LMTK3: variants seen among roughly 807,000 people sequenced by gnomAD.
LMTK3 encodes serine/threonine-protein kinase LMTK3.
Under a neutral mutation model 116.7 loss-of-function variants are expected in LMTK3, and 27 were observed. The observed-to-expected ratio is 0.23, with a 90% CI of 0.17 to 0.32. The LOEUF is 0.32. Among genes scored for constraint, LMTK3 ranks in the 10% least tolerant of loss-of-function variants. LMTK3 has a pLI of 1.00. For synonymous variants in LMTK3, 965 were observed against 971.0 expected (o/e 0.99, Z 0.11); for missense variants, 1,764 against 2,068.5 (o/e 0.85, Z 2.86).
chr19:48,506,620 C>T (rs1417802943), intron 5 of LMTK3, among the ~76,000 whole-genome samples: 2 of 152,184 alleles, frequency 1.3e-5, no homozygotes, highest in Non-Finnish European at 2.9e-5. Flanking sequence ...TGTGTGTCCT[C>T]AGGAGAACAG....
Position 48,499,540 on chromosome 19 carries a change from G to T in LMTK3, c.1529C>A (p.Pro510His). 1 of 1,507,748 alleles carries T rather than the reference G, an allele frequency of 6.6e-7. No homozygotes were observed. The highest frequency in any genetic ancestry group is 8.8e-7 in the Non-Finnish European group (1 of 1,130,652). 93.4% of individuals were successfully genotyped at this position (1,507,748 alleles called of 1,614,324 possible). Residue 510 changes from proline to histidine, a missense_variant, in exon 11 of 15, where the codon CCC (proline) becomes CAC (histidine). By Grantham distance (77) the Pro-to-His change is moderately conservative. Transcript: ENST00000600059. ...ASAPPAPHAN[P>H]SNPFYEALST... is the part of the protein sequence containing the mutation. ...CAGCGCCTCGTAGAAAGGGTTGGAG[G>T]GGTTGGCGTGGGGGGCCGGGGGGGC...
chr19:48,486,047 CTTTTTTTTTT>C (rs141193575), intron 14 of LMTK3, among the ~76,000 whole-genome samples: 7 of 59,790 alleles, frequency 1.2e-4, no homozygotes, highest in East Asian at 7.8e-4. Context: ...AACATTCTTC[CTTTTTTTTTT>C]TTTTTTTTTT....
chr19:48,487,439 T>TGTGA (rs1332005443), intron 14 of LMTK3, among the ~76,000 whole-genome samples: 3 of 152,130 alleles, frequency 2.0e-5, no homozygotes, highest in Admixed American at 1.3e-4. Flanking sequence ...TCTCACAAAG[T>TGTGA]GCTGGAATTA....
chr19:48,499,295 G>T lies in LMTK3; in HGVS notation c.1774C>A (p.Pro592Thr). The change falls in exon 11 of 15, where the codon CCC becomes ACC. Residue 592 changes from proline (P) to threonine (T), a missense_variant. Around this residue, in one of 7 missense-constraint regions of LMTK3, gnomAD observed 1,028 missense variants for 1,050.6 expected, o/e 0.98. Coordinates refer to ENST00000600059, the MANE Select transcript of LMTK3 (RefSeq NM_001388485.1). ...ETWASPLFPAPRPFPAQSSAS... is the reference protein window; with the variant it reads ...ETWASPLFPATRPFPAQSSAS... ...GAGGACTGGGCTGGGAAGGGCCGGG[G>T]CGCAGGGAAGAGGGGGGAGGCCCAG... 1 of 1,415,760 alleles carries T rather than the reference G, an allele frequency of 7.1e-7. No individual in the cohort carries two copies. Among genetic ancestry groups the T allele is most frequent in the Non-Finnish European group, 9.2e-7 (1 of 1,084,488 alleles). The allele number at this position is 1,415,760 out of a possible 1,614,324, so 87.7% of individuals were successfully genotyped here.
At position 48,511,512 on chromosome 19, in the gene LMTK3, G is replaced by T; in HGVS notation, c.65C>A (p.Pro22Gln). ...CCCGACAGACTCACCGGGGTGGGCC[G>T]GGGACGCCAGGCAGCCGGAGGCGGA... ...AVSASGCLAS[P>Q]AHPDGFALGR... Residue 22 changes from proline (P) to glutamine (Q), a missense_variant, in exon 1 of 15, where the codon CCG becomes CAG. Physicochemically the swap from Pro to Gln is moderately conservative, Grantham distance 76. This residue lies in a region of LMTK3 where 66 missense variants were observed against 61.1 expected (regional missense o/e 1.08). Transcript: ENST00000600059. 2 of 1,389,946 alleles carry T rather than the reference G, an allele frequency of 1.4e-6. No individual in the cohort carries two copies. Among genetic ancestry groups the T allele is most frequent in the Non-Finnish European group, 1.9e-6 (2 of 1,058,964 alleles). The allele number at this position is 1,389,946 out of a possible 1,614,324, so 86.1% of individuals were successfully genotyped here.
chr19:48,510,167 C>G lies in LMTK3; in HGVS notation c.217G>C (p.Glu73Gln). Residue 73 changes from glutamate to glutamine, a missense_variant, in exon 3 of 15, where the codon GAG becomes CAG. Around this residue, in one of 7 missense-constraint regions of LMTK3, gnomAD observed 271 missense variants for 478.2 expected, o/e 0.57. Transcript: ENST00000600059. The stretch of plus-strand genomic sequence containing the variant: ...GAGCAGTCCTCCCCTTCAGGGTTCT[C>G]AAATTCCTGGGGCCAGGAGAGGAGA... ...KRGDVGFKEF[E>Q]NPEGEDCSGE... is the part of the protein sequence containing the mutation. The G allele has an allele frequency of 6.2e-7, 1 of 1,611,816 alleles. No homozygotes were observed. The highest frequency in any genetic ancestry group is 8.5e-7 in the Non-Finnish European group (1 of 1,178,154).
rs745702703 is a variant in LMTK3, at chr19:48,511,580, G to C, written c.-4C>G. On this transcript the variant is annotated 5_prime_UTR_variant, in exon 1 of 15. Coordinates refer to ENST00000600059, the MANE Select transcript of LMTK3 (RefSeq NM_001388485.1). ...TGAGGGCGCCGGGGGCAGGCATCTTGTCGAGGATGGCAGGGAGGTGGAGGT... is the reference window on the plus strand; with the variant it reads ...TGAGGGCGCCGGGGGCAGGCATCTTCTCGAGGATGGCAGGGAGGTGGAGGT... 1.4e-6 allele frequency: 2 copies of C among 1,403,888 alleles called. No homozygotes were observed. Among genetic ancestry groups the C allele is most frequent in the Admixed American group, 5.0e-5 (2 of 39,788 alleles). The allele number at this position is 1,403,888 out of a possible 1,614,324, so 87.0% of individuals were successfully genotyped here.
chr19:48,504,807 C>G (rs566005183), intron 5 of LMTK3, among the ~76,000 whole-genome samples: 1 of 152,082 alleles, frequency 6.6e-6, no homozygotes, highest in Non-Finnish European at 1.5e-5. Context: ...TTCGGCCTCC[C>G]GAAGTGCTGG....
chr19:48,510,691 T>TGATGC, intron 1 of LMTK3, 99 bp from the exon 2 acceptor site: 2 of 1,334,366 alleles, frequency 1.5e-6, no homozygotes, highest in Non-Finnish European at 2.0e-6. Flanking sequence ...ACAACTCCCG[T>TGATGC]GATGCTCTGC....
At chr19:48,490,290 G>A (rs1972199711) in intron 14 of LMTK3, among the ~76,000 whole-genome samples, 1 of 152,076 alleles carries the variant, frequency 6.6e-6, no homozygotes. Flanking sequence ...TTGGGAGGCC[G>A]AGGTGGGTGG....
At chr19:48,492,759 C>T (rs529452997) in intron 12 of LMTK3, among the ~76,000 whole-genome samples, 3 of 152,206 alleles carry the variant, frequency 2.0e-5, no homozygotes, top group African/African-American at 7.2e-5. Flanking sequence ...TCCTCCCTAG[C>T]CTCTCCAGGA....
At position 48,485,862 on chromosome 19, in the gene LMTK3, C is replaced by A; in HGVS notation, c.4367-73G>T. The A allele has an allele frequency of 4.7e-6, 7 of 1,482,090 alleles. No individual in the cohort carries two copies. In the South Asian group the frequency reaches 8.9e-5, roughly 19 times the overall value. The allele number at this position is 1,482,090 out of a possible 1,614,324, so 91.8% of individuals were successfully genotyped here. On this transcript the variant is annotated intron_variant, in intron 14 of 14. Transcript: ENST00000600059. ...GCCTCATGGCTTCTAGGTCACTCAG[C>A]GGAAAAGCAAAGCCCTCACCCACCA...
Position 48,499,096 on chromosome 19 carries a change from C to T in LMTK3, c.1973G>A (p.Gly658Glu). ...GGGACCCCGGCGGCTTGGGCCACCT[C>T]CAAGGCTGCTGCTGTCTTCCCCTGG... ...SSPGEDSSSL[G>E]GGPSRRGPLP... The change falls in exon 11 of 15, where the codon GGA becomes GAA. Residue 658 changes from glycine (G) to glutamate (E), a missense_variant. Gly to Glu is a moderately conservative substitution (Grantham distance 98). Around this residue, in one of 7 missense-constraint regions of LMTK3, gnomAD observed 1,028 missense variants for 1,050.6 expected, o/e 0.98. Transcript: ENST00000600059. The T allele has an allele frequency of 2.6e-6, 4 of 1,554,556 alleles. No individual in the cohort carries two copies. Among genetic ancestry groups the T allele is most frequent in the Non-Finnish European group, 3.5e-6 (4 of 1,155,174 alleles).
Position 48,502,358 on chromosome 19 carries a change from A to C in LMTK3, c.794+75T>G, listed in dbSNP as rs1171847685. 7.7e-6 allele frequency: 11 copies of C among 1,421,494 alleles called. No individual in the cohort carries two copies. In the East Asian group the frequency reaches 1.7e-4, roughly 22 times the overall value. 88.1% of individuals were successfully genotyped at this position (1,421,494 alleles called of 1,614,324 possible). On this transcript the variant is annotated intron_variant, in intron 7 of 14. Coordinates refer to ENST00000600059, the MANE Select transcript of LMTK3 (RefSeq NM_001388485.1). Reference sequence around the variant, plus strand: ...CCAGTCATGGGTCCGCCCCCCCTCTAGCCCCTCCCCTGAGGCCTCACCTCC... The same window carrying C: ...CCAGTCATGGGTCCGCCCCCCCTCTCGCCCCTCCCCTGAGGCCTCACCTCC...
intron 6 of LMTK3, 107 bp from the exon 7 acceptor site, chr19:48,502,688 C>T (rs2147552270): frequency 1.5e-6 from 2 of 1,313,398 alleles, no homozygotes; most frequent in East Asian, 2.5e-5. Flanking sequence ...CCCTCTGAGC[C>T]TTAGTTTCCT....
At chr19:48,502,623 G>A (rs1283556614) in intron 6 of LMTK3, 42 bp from the exon 7 acceptor site, 1 of 1,512,796 alleles carries the variant, frequency 6.6e-7, no homozygotes, top group Non-Finnish European at 8.8e-7. Flanking sequence ...CAGCCGCTCA[G>A]GTCTCCAGCT....
Position 48,499,428 on chromosome 19 carries a change from G to A in LMTK3, c.1641C>T (p.Ser547=), listed in dbSNP as rs1972416101. 1.4e-6 allele frequency: 2 copies of A among 1,462,084 alleles called. No individual in the cohort carries two copies. The highest frequency in any genetic ancestry group is 5.6e-5 in the Admixed American group (2 of 36,034). 90.6% of individuals were successfully genotyped at this position (1,462,084 alleles called of 1,614,324 possible). The change falls in exon 11 of 15, where the codon TCC becomes TCT. Residue 547 remains serine (S), a synonymous_variant. Coordinates refer to ENST00000600059, the MANE Select transcript of LMTK3 (RefSeq NM_001388485.1). ...CGTTGGGGAAGAGGGGCTCAGGAGG[G>A]GAGCCGTGCTCCTCCAAGCGGATGT... ...EYYIRLEEHG[S]PPEPLFPNDW...
In LMTK3 at chr19:48,493,936, C is replaced by A. The variant is rs1357898179; in HGVS notation, c.3850G>T (p.Asp1284Tyr). The A allele has an allele frequency of 9.7e-7, 1 of 1,035,478 alleles. No individual in the cohort carries two copies. The highest frequency in any genetic ancestry group is 1.2e-6 in the Non-Finnish European group (1 of 866,552). 64.1% of individuals were successfully genotyped at this position (1,035,478 alleles called of 1,614,324 possible). The change falls in exon 12 of 15, where the codon GAC becomes TAC. Residue 1284 changes from aspartate to tyrosine, a missense_variant. This residue lies in a region of LMTK3 where 281 missense variants were observed against 301.4 expected (regional missense o/e 0.93). Coordinates refer to ENST00000600059, the MANE Select transcript of LMTK3 (RefSeq NM_001388485.1). ...AEEDGEDEDE[D>Y]EEEDEEAAAP... is the part of the protein sequence containing the mutation. ...GCCGCCTCCTCGTCCTCCTCCTCGT[C>A]CTCGTCCTCGTCCTCCCCGTCCTCC...
rs1448184934 is a variant in LMTK3, at chr19:48,508,831, C to T, written c.557+20G>A. The T allele has an allele frequency of 1.9e-6, 3 of 1,562,294 alleles. No homozygotes were observed. The highest frequency in any genetic ancestry group is 2.6e-6 in the Non-Finnish European group (3 of 1,132,706). ...ATGTCACCTCAACAAGGCACACACC[C>T]ACTGAGAAACCCTCAGTACCTGTAC... is the stretch of plus-strand genomic sequence containing the variant. On this transcript the variant is annotated intron_variant, in intron 5 of 14. Coordinates refer to ENST00000600059, the MANE Select transcript of LMTK3 (RefSeq NM_001388485.1).
Sources: gnomAD v4.1 joint callset for allele counts (sites outside exome capture counted in the v4.1 genomes callset) on GRCh38, gnomAD v4.1.1 for gene constraint, gnomAD v4.1.1 regional missense constraint, MANE v1.5 for transcripts, NCBI Gene and HGNC (gene_info 2026-07-23, HGNC 2026-07-21) for gene names.